TMEM214: variants seen among roughly 807,000 people sequenced by gnomAD.
TMEM214 encodes the protein transmembrane protein 214.
TMEM214 carries 71 observed loss-of-function variants against 89.8 expected under a neutral mutation model. The observed-to-expected ratio is 0.79, with a 90% CI of 0.65 to 0.96. The LOEUF (loss-of-function observed/expected upper bound fraction) is 0.96. TMEM214 is among the 40% of genes least tolerant of loss of function. The probability of loss-of-function intolerance (pLI) is 0.00; values close to 1 mark genes in which losing one functional copy is unlikely to be tolerated. For missense variants in TMEM214, 754 were observed against 843.4 expected (o/e 0.89, Z 1.31); for synonymous variants, 332 against 349.5 (o/e 0.95, Z 0.56).
intron 1 of TMEM214, among the ~76,000 whole-genome samples, chr2:27,033,582 C>T (rs1667425163): frequency 6.6e-6 from 1 of 152,116 alleles, no homozygotes; most frequent in Admixed American, 6.5e-5. Context: ...ACAGGAGGCC[C>T]AGCAGTGGGA....
In TMEM214 at chr2:27,038,911, T is replaced by G; in HGVS notation, c.1407+96T>G. On this transcript the variant is annotated intron_variant, in intron 12 of 16. Coordinates refer to ENST00000238788, the MANE Select transcript of TMEM214 (RefSeq NM_017727.5). This position sits in a 1 kb window ranked among gnomAD's most constrained non-coding sequence, Gnocchi z 4.4. ...CTGTATCACATTCCTGCCCCACCTG[T>G]CTGGAGCCCCCCGCTGCCTCCAGGA... 7.1e-7 allele frequency: 1 copy of G among 1,411,686 alleles called. No individual in the cohort carries two copies. Among genetic ancestry groups the G allele is most frequent in the African/African-American group, 1.4e-5 (1 of 71,058 alleles). The allele number at this position is 1,411,686 out of a possible 1,614,324, so 87.4% of individuals were successfully genotyped here. A position where few individuals can be genotyped will look rare whatever the true frequency, so the allele number is the denominator to read the frequency against.
Position 27,034,206 on chromosome 2 carries a change from T to C in TMEM214, c.291T>C (p.Thr97=). The change falls in exon 2 of 17, where the codon ACT becomes ACC. Residue 97 remains threonine, a synonymous_variant. Coordinates refer to ENST00000238788, the MANE Select transcript of TMEM214 (RefSeq NM_017727.5). The part of the protein sequence containing the change: ...GNKKQPKKVA[T]PPNQNQKQGR... ...AGAAGCAGCCAAAGAAGGTGGCAAC[T>C]CCTCCCAACCAAAACCAGAAGCAGG... 6.2e-7 allele frequency: 1 copy of C among 1,614,068 alleles called. No individual in the cohort carries two copies. Among genetic ancestry groups the C allele is most frequent in the Non-Finnish European group, 8.5e-7 (1 of 1,180,024 alleles).
chr2:27,035,883 G>A, intron 4 of TMEM214, 87 bp from the exon 5 acceptor site: 2 of 1,579,224 alleles, frequency 1.3e-6, no homozygotes, highest in Middle Eastern at 1.7e-4. Flanking sequence ...GTGGACCTGG[G>A]GCCTGGGCTC....
In TMEM214 at chr2:27,036,596, A is replaced by G. The variant is rs1400448529; in HGVS notation, c.826+4A>G. On this transcript the variant is annotated splice_donor_region_variant and intron_variant, in intron 6 of 16. Transcript: ENST00000238788. ...AACCTCACCGAGGGACTGAAAGGTA[A>G]CAGGGAAATAGGGAAGAAAGAGGGA... 1 of 1,614,076 alleles carries G rather than the reference A, an allele frequency of 6.2e-7. No individual in the cohort carries two copies. The highest frequency in any genetic ancestry group is 8.5e-7 in the Non-Finnish European group (1 of 1,179,898).
Position 27,035,847 on chromosome 2 carries a change from G to C in TMEM214, c.637+119G>C. 3.2e-6 allele frequency: 5 copies of C among 1,573,772 alleles called. No individual in the cohort carries two copies. In the South Asian group the frequency reaches 5.6e-5, roughly 18 times the overall value. On this transcript the variant is annotated intron_variant, in intron 4 of 16. Coordinates refer to ENST00000238788, the MANE Select transcript of TMEM214 (RefSeq NM_017727.5). ...AATGTGCTAACCTTAACACTTTTTG[G>C]AAAGTGTGGAGGAAGTTAGGAGTCA...
At chr2:27,036,073 G>A (rs765703094) in intron 5 of TMEM214, 21 bp downstream of exon 5, 1 of 1,612,068 alleles carries the variant, frequency 6.2e-7, no homozygotes, top group Admixed American at 1.7e-5. Context: ...AGTGATGGTG[G>A]GGATGCTAGG....
intron 8 of TMEM214, 107 bp downstream of exon 8, chr2:27,037,285 A>G: frequency 9.8e-7 from 1 of 1,017,454 alleles, no homozygotes; most frequent in South Asian, 1.3e-5. Flanking sequence ...GAGATTTGCA[A>G]CCTGGAAGTT....
In TMEM214 at chr2:27,040,329, A is replaced by G. The variant is rs1274100081; in HGVS notation, c.1792-16A>G. On this transcript the variant is annotated splice_polypyrimidine_tract_variant and intron_variant, in intron 15 of 16. Transcript: ENST00000238788. ...TTCCCTGGATACTCTGACCCCATCC[A>G]TTCTCCATGGTCCAGCTACAGATCC... 1 of 1,614,014 alleles carries G rather than the reference A, an allele frequency of 6.2e-7. No homozygotes were observed. Among genetic ancestry groups the G allele is most frequent in the Non-Finnish European group, 8.5e-7 (1 of 1,179,978 alleles).
chr2:27,040,767 C>T lies in TMEM214; in HGVS notation c.2000C>T (p.Thr667Ile). Residue 667 changes from threonine to isoleucine, a missense_variant, in exon 17 of 17, where the codon ACC (threonine) becomes ATC (isoleucine). Physicochemically the swap from Thr to Ile is moderately conservative, Grantham distance 89. Transcript: ENST00000238788. ...CAGCTCAGTGAGGCTGTCCACTGGA[C>T]CTGGCTTTGCCTACAGGACATTACA... is the stretch of plus-strand genomic sequence containing the variant. ...KTQLSEAVHW[T>I]WLCLQDITVA... 6.2e-7 allele frequency: 1 copy of T among 1,614,202 alleles called. No individual in the cohort carries two copies. Among genetic ancestry groups the T allele is most frequent in the East Asian group, 2.2e-5 (1 of 44,888 alleles).
chr2:27,039,671 C>A, intron 13 of TMEM214, 70 bp from the exon 14 acceptor site: 1 of 1,323,874 alleles, frequency 7.6e-7, no homozygotes, highest in South Asian at 1.2e-5. Context: ...TGCTCTGGGC[C>A]CTGTAGTGTC....
Position 27,040,406 on chromosome 2 carries a change from T to G in TMEM214, c.1853T>G (p.Leu618Arg), listed in dbSNP as rs1667786588. Residue 618 changes from leucine (L) to arginine (R), a missense_variant, in exon 16 of 17, where the codon CTG (leucine) becomes CGG (arginine). Coordinates refer to ENST00000238788, the MANE Select transcript of TMEM214 (RefSeq NM_017727.5). ...CTCCGCTATCTGAGAGAGCTGCCCCTGCTTTTCCACCAGAATGTGCTGCTG... is the reference window on the plus strand; with the variant it reads ...CTCCGCTATCTGAGAGAGCTGCCCCGGCTTTTCCACCAGAATGTGCTGCTG... ...QLLRYLRELP[L>R]LFHQNVLLPL... The G allele has an allele frequency of 6.2e-7, 1 of 1,614,118 alleles. No individual in the cohort carries two copies. The highest frequency in any genetic ancestry group is 1.7e-5 in the Admixed American group (1 of 60,014).
rs200292649 is a variant in TMEM214, at chr2:27,038,174, C to T, written c.1181C>T (p.Thr394Met). ...ELLSSLTECL[T>M]VDPLSASVWR... ...CTGAGCAGCCTGACTGAGTGCCTGA[C>T]GGTGGACCCCCTCAGTGCCAGCGTC... Residue 394 changes from threonine (T) to methionine (M), a missense_variant, in exon 10 of 17, where the codon ACG (threonine) becomes ATG (methionine). By Grantham distance (81) the Thr-to-Met change is moderately conservative (BLOSUM62 -1). Coordinates refer to ENST00000238788, the MANE Select transcript of TMEM214 (RefSeq NM_017727.5). This position sits in a 1 kb window ranked among gnomAD's most constrained non-coding sequence, Gnocchi z 4.4. 723 of 1,614,148 alleles carry T rather than the reference C, an allele frequency of 4.5e-4. 11 individuals are homozygous for T. In the South Asian group the frequency reaches 4.5e-3, roughly 10 times the overall value.
chr2:27,040,181 A>C lies in TMEM214; in HGVS notation c.1774A>C (p.Thr592Pro). 1 of 1,605,946 alleles carries C rather than the reference A, an allele frequency of 6.2e-7. No individual in the cohort carries two copies. ...CCTTGCGTGGTTTGGTGACAGTCTC[A>C]CCAGTCTCTCTCAGAGGGTAAGTCA... The part of the protein sequence containing the change: ...SHLAWFGDSL[T>P]SLSQRLQIQL... The change falls in exon 15 of 17, where the codon ACC becomes CCC. Residue 592 changes from threonine to proline, a missense_variant. Coordinates refer to ENST00000238788, the MANE Select transcript of TMEM214 (RefSeq NM_017727.5).
intron 4 of TMEM214, 112 bp downstream of exon 4, chr2:27,035,840 C>T (rs1667537611): frequency 6.3e-7 from 1 of 1,586,304 alleles, no homozygotes; most frequent in South Asian, 1.1e-5. Context: ...AACCTTAACA[C>T]TTTTTGGAAA....
chr2:27,040,442 A>C lies in TMEM214; in HGVS notation c.1889A>C (p.His630Pro). 4 of 1,614,056 alleles carry C rather than the reference A, an allele frequency of 2.5e-6. No individual in the cohort carries two copies. The highest frequency in any genetic ancestry group is 3.4e-6 in the Non-Finnish European group (4 of 1,180,008). ...CAGAATGTGCTGCTGCCACTGTGGC[A>C]CCTCTTGCTTGAGGCCCTGGCCTGG... ...FHQNVLLPLW[H>P]LLLEALAWAQ... The change falls in exon 16 of 17, where the codon CAC (histidine) becomes CCC (proline). Residue 630 changes from histidine (H) to proline (P), a missense_variant. Coordinates refer to ENST00000238788, the MANE Select transcript of TMEM214 (RefSeq NM_017727.5).
chr2:27,036,087 C>G (rs766125713), intron 5 of TMEM214, 35 bp downstream of exon 5: 2 of 1,602,342 alleles, frequency 1.2e-6, no homozygotes, highest in South Asian at 2.2e-5. Flanking sequence ...TGCTAGGAAG[C>G]TAGGACTGGG....
chr2:27,035,383 TG>T (rs1050828948), intron 3 of TMEM214, 98 bp downstream of exon 3: 19 of 1,516,152 alleles, frequency 1.3e-5, no homozygotes, highest in Non-Finnish European at 1.4e-5. Context: ...CTGATTTCCA[TG>T]GGTGATTTGG....
chr2:27,037,929 G>A (rs1667639840), intron 9 of TMEM214: 1 of 1,549,962 alleles, frequency 6.5e-7, no homozygotes, highest in Non-Finnish European at 8.7e-7. Flanking sequence ...CTTGCAGATA[G>A]TGATCTTTGA....
At chr2:27,037,030 T>A in intron 7 of TMEM214, 47 bp from the exon 8 acceptor site, 1 of 1,550,118 alleles carries the variant, frequency 6.5e-7, no homozygotes, top group Non-Finnish European at 8.9e-7. Context: ...CCAAAACAGC[T>A]GGCATGGGTG....
Sources: allele counts gnomAD v4.1 joint callset (sites outside exome capture counted in the v4.1 genomes callset), GRCh38; gene constraint gnomAD v4.1.1; non-coding constraint Gnocchi (gnomAD v3.1); transcripts MANE v1.5; gene names NCBI Gene and HGNC (gene_info 2026-07-23, HGNC 2026-07-21).